ZFAND3: variants seen among roughly 807,000 people sequenced by gnomAD.
The protein encoded by ZFAND3 is zinc finger AN1-type containing 3, also known as AN1-type zinc finger protein 3.
Under a neutral mutation model 29.6 loss-of-function variants are expected in ZFAND3, and 10 were observed. That is an observed-to-expected ratio of 0.34 (90% CI 0.21 to 0.57). The LOEUF is 0.57. Among genes scored for constraint, ZFAND3 ranks in the 20% least tolerant of loss-of-function variants. The pLI is 0.86. For synonymous variants in ZFAND3, 128 were observed against 112.6 expected (o/e 1.14, Z -0.87); for missense variants, 230 against 304.5 (o/e 0.76, Z 1.82).
chr6:37,918,213 A>ACT (rs1490724066), intron 1 of ZFAND3, among the ~76,000 whole-genome samples: 3 of 152,046 alleles, frequency 2.0e-5, no homozygotes, highest in African/African-American at 7.3e-5. Flanking sequence ...AGTAGCTGGG[A>ACT]CTACAGGCAC....
At position 37,860,074 on chromosome 6, in the gene ZFAND3, G is replaced by A. The variant is rs562873150; in HGVS notation, c.71+40058G>A. 3.3e-4 allele frequency among the ~76,000 whole-genome samples: 50 copies of A among 149,810 alleles called. 1 individual carries two copies. The South Asian group carries it at 9.6e-3, about 29-fold the overall frequency. On this transcript the variant is annotated intron_variant, in intron 1 of 5. Coordinates refer to ENST00000287218, the MANE Select transcript of ZFAND3 (RefSeq NM_021943.3). ...TTTTTTGTATTTTTTAGTAGACGTGGGGTTTCACCAGGTCTCGAACTCCTG... is the reference window on the plus strand; with the variant it reads ...TTTTTTGTATTTTTTAGTAGACGTGAGGTTTCACCAGGTCTCGAACTCCTG...
At chr6:37,823,415 G>A (rs1561900907) in intron 1 of ZFAND3, among the ~76,000 whole-genome samples, 1 of 152,166 alleles carries the variant, frequency 6.6e-6, no homozygotes, top group African/African-American at 2.4e-5. Flanking sequence ...TTTTGGCTCC[G>A]GCAGACTAAC....
At chr6:37,865,163 G>A (rs995042218) in intron 1 of ZFAND3, among the ~76,000 whole-genome samples, 1 of 152,106 alleles carries the variant, frequency 6.6e-6, no homozygotes, top group African/African-American at 2.4e-5. Context: ...GGGAGACTGG[G>A]TGACACTTCG....
chr6:37,887,114 T>C (rs1191584685), intron 1 of ZFAND3, among the ~76,000 whole-genome samples: 1 of 152,254 alleles, frequency 6.6e-6, no homozygotes, highest in Non-Finnish European at 1.5e-5. Context: ...AAGAATGTTT[T>C]AATGAAGTAA....
In ZFAND3 at chr6:38,099,255, A is replaced by G. The variant is rs73419993; in HGVS notation, c.361+16798A>G. Among the ~76,000 whole-genome samples, 237 of 152,330 alleles carry G rather than the reference A, an allele frequency of 1.6e-3. 1 individual carries two copies. The highest frequency in any genetic ancestry group is 4.8e-3 in the African/African-American group (199 of 41,560). On this transcript the variant is annotated intron_variant, in intron 4 of 5. Transcript: ENST00000287218. ...ATAAATTCACTGGTTTATGATTAAAAATCAGACAGTTTAACCTTGGAGGCA... is the reference window on the plus strand; with the variant it reads ...ATAAATTCACTGGTTTATGATTAAAGATCAGACAGTTTAACCTTGGAGGCA...
chr6:37,928,061 C>T lies in ZFAND3; in HGVS notation c.72-1898C>T, dbSNP rs558909865. ...TCTTTATCTTTTTACTCATCTTATT[C>T]ACTTGTTGATACTCAATTTTCCTCA... On this transcript the variant is annotated intron_variant, in intron 1 of 5. Transcript: ENST00000287218. Among the ~76,000 whole-genome samples the T allele has an allele frequency of 7.8e-4, 119 of 152,126 alleles. 1 individual carries two copies. The highest frequency in any genetic ancestry group is 3.3e-3 in the Admixed American group (51 of 15,278).
intron 5 of ZFAND3, among the ~76,000 whole-genome samples, chr6:38,141,164 A>G (rs967767498): frequency 6.6e-5 from 10 of 152,228 alleles, no homozygotes; most frequent in Non-Finnish European, 1.2e-4. Flanking sequence ...CTTCATTCTT[A>G]AAACAAGCAC....
chr6:38,128,828 A>G (rs962846525), intron 5 of ZFAND3, among the ~76,000 whole-genome samples: 1 of 152,218 alleles, frequency 6.6e-6, no homozygotes, highest in African/African-American at 2.4e-5. Context: ...TCTTTTTTGT[A>G]TAATGACTTC....
intron 1 of ZFAND3, among the ~76,000 whole-genome samples, chr6:37,857,934 T>G (rs1251018003): frequency 2.0e-5 from 3 of 152,110 alleles, no homozygotes; most frequent in African/African-American, 7.2e-5. Flanking sequence ...GGCCTTTGAG[T>G]GTACAATAGT....
At chr6:37,918,049 C>G (rs1483187147) in intron 1 of ZFAND3, among the ~76,000 whole-genome samples, 1 of 152,030 alleles carries the variant, frequency 6.6e-6, no homozygotes, top group East Asian at 1.9e-4. Context: ...AGAAATGTTG[C>G]ATCGTGTAGA....
At chr6:37,874,241 C>T (rs926066324) in intron 1 of ZFAND3, among the ~76,000 whole-genome samples, 5 of 152,088 alleles carry the variant, frequency 3.3e-5, no homozygotes, top group African/African-American at 4.8e-5. Flanking sequence ...TTTGGCCGGA[C>T]GTGGTGGCTC....
chr6:38,003,259 C>G lies in ZFAND3; in HGVS notation c.113-58334C>G, dbSNP rs1762981946. On this transcript the variant is annotated intron_variant, in intron 2 of 5. Transcript: ENST00000287218. Reference sequence around the variant, plus strand: ...GAATGCCATTCTTCCACATGCTGAACTAAATTGATCTCATAAGTGTGCTTC... The same window carrying G: ...GAATGCCATTCTTCCACATGCTGAAGTAAATTGATCTCATAAGTGTGCTTC... The G allele has an allele frequency of 2.0e-5, 3 of 153,450 alleles. No homozygotes were observed. In the Admixed American group the frequency reaches 2.0e-4, roughly 10 times the overall value. 9.5% of individuals were successfully genotyped at this position (153,450 alleles called of 1,614,324 possible).
intron 2 of ZFAND3, among the ~76,000 whole-genome samples, chr6:38,060,913 A>G (rs533381526): frequency 6.6e-6 from 1 of 152,192 alleles, no homozygotes. Flanking sequence ...TAGGCCTTCC[A>G]TATATGATTT....
intron 2 of ZFAND3, among the ~76,000 whole-genome samples, chr6:38,046,289 T>A (rs1398674482): frequency 6.6e-6 from 1 of 152,232 alleles, no homozygotes; most frequent in Non-Finnish European, 1.5e-5. Flanking sequence ...TAGAACTTGA[T>A]CGTTTAATTT....
chr6:37,980,416 T>C (rs1449796572), intron 2 of ZFAND3, among the ~76,000 whole-genome samples: 1 of 152,224 alleles, frequency 6.6e-6, no homozygotes, highest in African/African-American at 2.4e-5. Context: ...AAAATCTCTC[T>C]TGTATCATTT....
chr6:37,902,816 T>A (rs1765345231), intron 1 of ZFAND3, among the ~76,000 whole-genome samples: 1 of 145,278 alleles, frequency 6.9e-6, no homozygotes, highest in African/African-American at 2.6e-5. Context: ...TGGGCTCAGG[T>A]GATTCTCCTG....
At position 37,820,034 on chromosome 6, in the gene ZFAND3, TGGG is replaced by T; in HGVS notation, c.71+21_71+23del. The T allele has an allele frequency of 1.7e-6, 1 of 582,368 alleles. No homozygotes were observed. The highest frequency in any genetic ancestry group is 9.4e-5 in the South Asian group (1 of 10,614). The allele number at this position is 582,368 out of a possible 1,614,324, so 36.1% of individuals were successfully genotyped here. The stretch of plus-strand genomic sequence containing the variant: ...TTCTGGGGGTAAGTGCCCGGCCGGG[TGGG>T]GGCGGGGGGCGGGGGCCGGGGGCGC... On this transcript the variant is annotated intron_variant, in intron 1 of 5. Coordinates refer to ENST00000287218, the MANE Select transcript of ZFAND3 (RefSeq NM_021943.3).
rs70981523 is a variant in ZFAND3 at position 38,120,320 on chromosome 6, C to CTTTTTTTTTTTTTTTTTTTTTTTTTTTTT, written c.529+3583_529+3611dup. 2.8e-4 allele frequency among the ~76,000 whole-genome samples: 17 copies of CTTTTTTTTTTTTTTTTTTTTTTTTTTTTT among 60,734 alleles called. 1 individual carries two copies. Among genetic ancestry groups the CTTTTTTTTTTTTTTTTTTTTTTTTTTTTT allele is most frequent in the African/African-American group, 3.9e-4 (7 of 17,786 alleles). The allele number at this position is 60,734 out of a possible 152,430, so 39.8% of individuals were successfully genotyped here. A position where few individuals can be genotyped will look rare whatever the true frequency, so the allele number is the denominator to read the frequency against. ...TGATTGATACACGTAGCTTGGCTTC[C>CTTTTTTTTTTTTTTTTTTTTTTTTTTTTT]TTTTTTTTTTTTTTTTTTTTTTTTT... On this transcript the variant is annotated intron_variant, in intron 5 of 5. Transcript: ENST00000287218.
chr6:37,954,628 TTTGA>T (rs1762054692), intron 2 of ZFAND3, among the ~76,000 whole-genome samples: 2 of 152,210 alleles, frequency 1.3e-5, no homozygotes, highest in Admixed American at 1.3e-4. Flanking sequence ...CTGGGTTAGT[TTTGA>T]TTGATTTTCC....
Sources: allele counts gnomAD v4.1 joint callset (sites outside exome capture counted in the v4.1 genomes callset), GRCh38; gene constraint gnomAD v4.1.1; transcripts MANE v1.5; gene names NCBI Gene and HGNC (gene_info 2026-07-23, HGNC 2026-07-21).